RNF157: variants seen among roughly 807,000 people sequenced by gnomAD.
RNF157 encodes the protein ring finger protein 157.
Under a neutral mutation model 88.3 loss-of-function variants are expected in RNF157, and 55 were observed. The ratio of observed to expected loss-of-function variants is 0.62; its 90% CI spans 0.50 to 0.78. The LOEUF (loss-of-function observed/expected upper bound fraction) is 0.78, where lower values mean the gene tolerates loss of function less well. Ranked by LOEUF, RNF157 falls within the 30% of genes least tolerant of loss-of-function variation. The probability of loss-of-function intolerance (pLI) is 0.00; values close to 1 mark genes in which losing one functional copy is unlikely to be tolerated. For synonymous variants in RNF157, 334 were observed against 341.2 expected, an observed-to-expected ratio of 0.98 and a Z score of 0.23; for missense variants, 788 against 860.8, an observed-to-expected ratio of 0.92 and a Z score of 1.06.
intron 3 of RNF157, among the ~76,000 whole-genome samples, chr17:76,171,068 A>AT (rs1308642675): frequency 6.6e-6 from 1 of 150,646 alleles, no homozygotes; most frequent in Non-Finnish European, 1.5e-5. Flanking sequence ...AATTTTTTGT[A>AT]TTTTTAGTGG....
chr17:76,163,909 AT>A (rs1450181276), intron 8 of RNF157: 1 of 152,210 alleles, frequency 6.6e-6, no homozygotes, highest in Non-Finnish European at 1.5e-5. Context: ...CAGTGATTAT[AT>A]TGGAAAACTA....
intron 2 of RNF157, among the ~76,000 whole-genome samples, chr17:76,200,559 G>A (rs538720277): frequency 4.5e-4 from 68 of 152,286 alleles, no homozygotes; most frequent in African/African-American, 1.6e-3. Context: ...GCCAGAGGCT[G>A]GTAGGAGAGG....
chr17:76,201,527 A>G (rs1024937406), intron 2 of RNF157, among the ~76,000 whole-genome samples: 1 of 152,074 alleles, frequency 6.6e-6, no homozygotes, highest in Non-Finnish European at 1.5e-5. Context: ...AAAATAAAGA[A>G]AATTTTAGAA....
intron 2 of RNF157, among the ~76,000 whole-genome samples, chr17:76,199,606 G>A (rs985195153): frequency 6.7e-5 from 10 of 150,192 alleles, no homozygotes; most frequent in Non-Finnish European, 1.5e-4. Context: ...CAGCTGGCAG[G>A]AAGAGCCACA....
Position 76,146,435 on chromosome 17 carries a change from C to T in RNF157, c.1922-1082G>A, listed in dbSNP as rs993163980. The T allele has an allele frequency of 2.3e-5, 23 of 985,536 alleles. No individual in the cohort carries two copies. Among genetic ancestry groups the T allele is most frequent in the Non-Finnish European group, 2.8e-5 (23 of 830,076 alleles). 61.0% of individuals were successfully genotyped at this position (985,536 alleles called of 1,614,324 possible). A position where few individuals can be genotyped will look rare whatever the true frequency, so the allele number is the denominator to read the frequency against. ...TCTTCATCTCCTGCCCACAGATGAG[C>T]TCCTCCCTCCAGTGCCCTCCCTCCA... On this transcript the variant is annotated intron_variant, in intron 18 of 18. Coordinates refer to ENST00000269391, the MANE Select transcript of RNF157 (RefSeq NM_052916.3). This position sits in a 1 kb window ranked among gnomAD's most constrained non-coding sequence, Gnocchi z 4.2.
chr17:76,177,638 G>A (rs2069126401), intron 2 of RNF157, among the ~76,000 whole-genome samples: 1 of 151,800 alleles, frequency 6.6e-6, no homozygotes, highest in Non-Finnish European at 1.5e-5. Context: ...AACTTGTGTT[G>A]CCTTTTCTAG....
At chr17:76,233,075 C>A (rs947732186) in intron 1 of RNF157, among the ~76,000 whole-genome samples, 2 of 152,102 alleles carry the variant, frequency 1.3e-5, no homozygotes, top group African/African-American at 2.4e-5. Context: ...TACCGGCCAC[C>A]ACGCCCAGCT....
chr17:76,155,878 G>A, intron 14 of RNF157, 144 bp from the exon 15 acceptor site: 1 of 739,112 alleles, frequency 1.4e-6, no homozygotes, highest in Non-Finnish European at 2.1e-6. Context: ...GTGGTTTTAG[G>A]TTTATGGTTT....
chr17:76,192,251 GAAGCAAAAGTTC>G (rs1308134432), intron 2 of RNF157, among the ~76,000 whole-genome samples: 1 of 152,164 alleles, frequency 6.6e-6, no homozygotes, highest in Non-Finnish European at 1.5e-5. Flanking sequence ...ATCAAACAAC[GAAGCAAAAGTTC>G]AAGCACTTAG....
At chr17:76,180,148 T>C (rs1459721091) in intron 2 of RNF157, among the ~76,000 whole-genome samples, 2 of 152,230 alleles carry the variant, frequency 1.3e-5, no homozygotes, top group Admixed American at 6.5e-5. Context: ...TATGGATTTA[T>C]AGAATGGCTT....
intron 2 of RNF157, among the ~76,000 whole-genome samples, chr17:76,184,189 TAA>T (rs542969861): frequency 2.6e-4 from 29 of 110,762 alleles, no homozygotes; most frequent in Admixed American, 2.9e-4. Flanking sequence ...AGACTCCATC[TAA>T]AAAAAAAAAA....
Position 76,240,348 on chromosome 17 carries a change from G to GCGGA in RNF157, c.-109_-108insTCCG. On this transcript the variant is annotated 5_prime_UTR_variant, in exon 1 of 19. It removes the in-frame stop codon of an upstream open reading frame in the 5' UTR. Coordinates refer to ENST00000269391, the MANE Select transcript of RNF157 (RefSeq NM_052916.3). This position sits in a 1 kb window ranked among gnomAD's most constrained non-coding sequence, Gnocchi z 4.4. ...GGTGCGGGGGCCGACTGCCCGCCGC[G>GCGGA]GCCGGCTCCGCTGCGGCGCTGCGGC... 1 of 335,894 alleles carries GCGGA rather than the reference G, an allele frequency of 3.0e-6. No homozygotes were observed. Among genetic ancestry groups the GCGGA allele is most frequent in the Non-Finnish European group, 4.2e-6 (1 of 239,564 alleles). 20.8% of individuals were successfully genotyped at this position (335,894 alleles called of 1,614,324 possible). A position where few individuals can be genotyped will look rare whatever the true frequency, so the allele number is the denominator to read the frequency against.
chr17:76,168,399 C>T (rs1568035042), intron 3 of RNF157, among the ~76,000 whole-genome samples: 1 of 151,756 alleles, frequency 6.6e-6, no homozygotes, highest in Non-Finnish European at 1.5e-5. Flanking sequence ...TTTTCTTTTC[C>T]TGCATAACTT....
At chr17:76,183,967 GT>G (rs2069239530) in intron 2 of RNF157, among the ~76,000 whole-genome samples, 1 of 152,046 alleles carries the variant, frequency 6.6e-6, no homozygotes, top group African/African-American at 2.4e-5. Context: ...AGGTGGGCGG[GT>G]TGGTTGAGGC....
intron 1 of RNF157, among the ~76,000 whole-genome samples, chr17:76,217,511 A>T (rs1486770836): frequency 6.6e-6 from 1 of 152,148 alleles, no homozygotes; most frequent in African/African-American, 2.4e-5. Context: ...ATTGGTGCAC[A>T]GCTATGTATA....
chr17:76,193,400 A>C (rs1224103059), intron 2 of RNF157, among the ~76,000 whole-genome samples: 1 of 152,242 alleles, frequency 6.6e-6, no homozygotes, highest in African/African-American at 2.4e-5. Context: ...CAATTAGGTA[A>C]GTATCTCTTA....
At chr17:76,172,610 A>C (rs1389324243) in intron 3 of RNF157, among the ~76,000 whole-genome samples, 2 of 95,754 alleles carry the variant, frequency 2.1e-5, no homozygotes, top group Non-Finnish European at 4.5e-5. Flanking sequence ...TCCATCTCAA[A>C]AAAAAAAAAA....
intron 3 of RNF157, 43 bp from the exon 4 acceptor site, chr17:76,167,840 T>A: frequency 6.3e-7 from 1 of 1,574,946 alleles, no homozygotes; most frequent in Non-Finnish European, 8.6e-7. Flanking sequence ...AGCATATCAA[T>A]ATTTTAAAAT....
chr17:76,166,121 C>T (rs932893681), intron 6 of RNF157, among the ~76,000 whole-genome samples: 6 of 152,166 alleles, frequency 3.9e-5, no homozygotes, highest in Non-Finnish European at 7.4e-5. Context: ...ATTAGAGGTG[C>T]ACACTGCCAT....
Sources: gnomAD v4.1 joint callset for allele counts (sites outside exome capture counted in the v4.1 genomes callset) on GRCh38, gnomAD v4.1.1 for gene constraint, Gnocchi (gnomAD v3.1) non-coding constraint, MANE v1.5 for transcripts, NCBI Gene and HGNC (gene_info 2026-07-23, HGNC 2026-07-21) for gene names.